The following PPP2R2B variants were observed in gnomAD, a reference collection of about 807,000 sequenced individuals.
The protein encoded by PPP2R2B is protein phosphatase 2 regulatory subunit Bbeta, also known as serine/threonine-protein phosphatase 2A 55 kDa regulatory subunit B beta isoform.
PPP2R2B carries 5 observed loss-of-function variants against 46.0 expected under a neutral mutation model. The observed-to-expected ratio is 0.11, with a 90% confidence interval of 0.06 to 0.23. PPP2R2B has a LOEUF of 0.23. Among genes scored for constraint, PPP2R2B ranks in the 10% least tolerant of loss-of-function variants. The pLI is 1.00. For missense variants in PPP2R2B, 367 were observed against 575.0 expected (o/e 0.64, Z 3.70); for synonymous variants, 215 against 206.7 (o/e 1.04, Z -0.34).
chr5:146,632,886 A>G (rs1774536005), intron 7 of PPP2R2B, among the ~76,000 whole-genome samples: 1 of 152,190 alleles, frequency 6.6e-6, no homozygotes, highest in African/African-American at 2.4e-5. Flanking sequence ...GCCAGGCTAC[A>G]GGGAGCTGAG....
intron 2 of PPP2R2B, among the ~76,000 whole-genome samples, chr5:146,808,534 A>G (rs1469467176): frequency 1.3e-5 from 2 of 152,146 alleles, no homozygotes; most frequent in Non-Finnish European, 2.9e-5. Flanking sequence ...TCTGGAAAGG[A>G]AGAACTGACC....
chr5:146,916,594 C>T (rs1160059054), intron 1 of PPP2R2B, among the ~76,000 whole-genome samples: 3 of 152,018 alleles, frequency 2.0e-5, no homozygotes, highest in African/African-American at 4.8e-5. Context: ...ATTAAAAACC[C>T]GTATCCCACA....
At chr5:146,628,730 A>G (rs1277943317) in intron 7 of PPP2R2B, among the ~76,000 whole-genome samples, 5 of 152,190 alleles carry the variant, frequency 3.3e-5, no homozygotes, top group African/African-American at 9.7e-5. Context: ...CTGGGAACCT[A>G]CTATGTGTCA....
At chr5:146,919,181 ATT>A (rs2151812859) in intron 1 of PPP2R2B, among the ~76,000 whole-genome samples, 1 of 152,348 alleles carries the variant, frequency 6.6e-6, no homozygotes, top group East Asian at 1.9e-4. Context: ...CATGTTCACA[ATT>A]ACTCTACAGC....
At chr5:146,799,039 T>C (rs1002688721) in intron 2 of PPP2R2B, among the ~76,000 whole-genome samples, 1 of 152,148 alleles carries the variant, frequency 6.6e-6, no homozygotes, top group Non-Finnish European at 1.5e-5. Flanking sequence ...TTAATTTCTG[T>C]AGAAAATATC....
chr5:146,651,915 C>T (rs1462954340), intron 5 of PPP2R2B, among the ~76,000 whole-genome samples: 1 of 152,168 alleles, frequency 6.6e-6, no homozygotes, highest in African/African-American at 2.4e-5. Flanking sequence ...ACTTGAGGGA[C>T]TTTAACTCAC....
upstream of PPP2R2B, among the ~76,000 whole-genome samples, chr5:147,058,775 T>C (rs1279696812): frequency 6.6e-6 from 1 of 152,202 alleles, no homozygotes; most frequent in African/African-American, 2.4e-5. Flanking sequence ...ACTGTTTCAG[T>C]GTGCTTCTTG....
At chr5:146,851,147 A>C (rs1281744096) in intron 2 of PPP2R2B, among the ~76,000 whole-genome samples, 1 of 152,162 alleles carries the variant, frequency 6.6e-6, no homozygotes, top group Non-Finnish European at 1.5e-5. Flanking sequence ...AAAGGTTCAC[A>C]ATGGTGCCAA....
At chr5:147,021,811 T>G (rs913463001) in intron 1 of PPP2R2B, among the ~76,000 whole-genome samples, 2 of 152,136 alleles carry the variant, frequency 1.3e-5, no homozygotes, top group African/African-American at 4.8e-5. Context: ...TTTCTAGATA[T>G]GCAAAGAAGC....
intron 2 of PPP2R2B, among the ~76,000 whole-genome samples, chr5:146,752,411 A>G (rs1035093758): frequency 6.6e-6 from 1 of 152,162 alleles, no homozygotes; most frequent in African/African-American, 2.4e-5. Context: ...CCCTCATCCT[A>G]TCAGTGCTGC....
At chr5:146,949,271 A>G (rs1015599010) in intron 1 of PPP2R2B, among the ~76,000 whole-genome samples, 1 of 152,130 alleles carries the variant, frequency 6.6e-6, no homozygotes, top group African/African-American at 2.4e-5. Flanking sequence ...ATTAATAACC[A>G]GAACATATAA....
At chr5:146,676,711 TG>T (rs1268893158) in intron 5 of PPP2R2B, among the ~76,000 whole-genome samples, 1 of 152,152 alleles carries the variant, frequency 6.6e-6, no homozygotes, top group Non-Finnish European at 1.5e-5. Flanking sequence ...CCCAAAGAGA[TG>T]GCTAGCTCCA....
At chr5:147,004,031 G>C (rs542946337) in intron 1 of PPP2R2B, among the ~76,000 whole-genome samples, 1 of 152,088 alleles carries the variant, frequency 6.6e-6, no homozygotes, top group African/African-American at 2.4e-5. Flanking sequence ...TTTTATAATA[G>C]GGACCAAGAG....
At chr5:147,058,090 A>C, upstream of PPP2R2B, among the ~76,000 whole-genome samples, 1 of 152,230 alleles carries the variant, frequency 6.6e-6, no homozygotes, top group Admixed American at 6.5e-5. Context: ...TCAACGTCTA[A>C]TTCATCTTTA....
intron 7 of PPP2R2B, among the ~76,000 whole-genome samples, chr5:146,605,097 T>C (rs1303030472): frequency 6.6e-6 from 1 of 152,224 alleles, no homozygotes; most frequent in Non-Finnish European, 1.5e-5. Context: ...CTGTGTGCTC[T>C]ACATGTATTA....
In PPP2R2B at chr5:146,644,847, G is replaced by T. The variant is rs142283108; in HGVS notation, c.625+5700C>A. 1.5e-3 allele frequency among the ~76,000 whole-genome samples: 225 copies of T among 152,318 alleles called. 1 individual carries two copies. The highest frequency in any genetic ancestry group is 5.2e-3 in the African/African-American group (216 of 41,564). ...TGAAGGAAGCACATATTTCTCCAAG[G>T]ATAGGGTTTATATGCATTGCCTTTG... On this transcript the variant is annotated intron_variant, in intron 6 of 9. Transcript: ENST00000394411.
chr5:146,992,606 C>G (rs1244839818), intron 1 of PPP2R2B, among the ~76,000 whole-genome samples: 2 of 152,162 alleles, frequency 1.3e-5, no homozygotes, highest in Non-Finnish European at 2.9e-5. Context: ...TTATCACCGC[C>G]AGGGTGTTGG....
chr5:146,617,766 C>G (rs1171899090), intron 7 of PPP2R2B, among the ~76,000 whole-genome samples: 1 of 151,692 alleles, frequency 6.6e-6, no homozygotes, highest in Non-Finnish European at 1.5e-5. Flanking sequence ...GCGATCTCAG[C>G]TCACTGCAAC....
At chr5:146,764,287 T>A (rs553821844) in intron 2 of PPP2R2B, among the ~76,000 whole-genome samples, 1 of 152,150 alleles carries the variant, frequency 6.6e-6, no homozygotes, top group African/African-American at 2.4e-5. Flanking sequence ...GAATTTACCC[T>A]GAGAAGCCAG....
Sources: allele counts gnomAD v4.1 joint callset (sites outside exome capture counted in the v4.1 genomes callset), GRCh38; gene constraint gnomAD v4.1.1; transcripts MANE v1.5; gene names NCBI Gene and HGNC (gene_info 2026-07-23, HGNC 2026-07-21).